RBPJ: variants seen among roughly 807,000 people sequenced by gnomAD.
RBPJ encodes the protein recombination signal binding protein for immunoglobulin kappa J region, also known as recombining binding protein suppressor of hairless.
A neutral mutation model predicts 67.8 loss-of-function variants in RBPJ; 9 were observed. The observed-to-expected ratio is 0.13, with a 90% CI of 0.08 to 0.23. The LOEUF (loss-of-function observed/expected upper bound fraction) is 0.23, where lower values mean the gene tolerates loss of function less well. RBPJ is among the 10% of genes least tolerant of loss of function. The pLI is 1.00. For missense variants in RBPJ, 305 were observed against 595.6 expected, an observed-to-expected ratio of 0.51 and a Z score of 5.08; for synonymous variants, 198 against 203.3, an observed-to-expected ratio of 0.97 and a Z score of 0.22.
At chr4:26,397,107 C>G (rs1171300756) in intron 2 of RBPJ, among the ~76,000 whole-genome samples, 1 of 152,166 alleles carries the variant, frequency 6.6e-6, no homozygotes, top group Non-Finnish European at 1.5e-5. Flanking sequence ...GAAGATTTTG[C>G]TTAAGGTTCT....
At chr4:26,278,262 T>C (rs1176606114) in intron 1 of RBPJ, among the ~76,000 whole-genome samples, 1 of 152,188 alleles carries the variant, frequency 6.6e-6, no homozygotes, top group Non-Finnish European at 1.5e-5. Context: ...CATGAAGATA[T>C]AAAGTGAACC....
chr4:26,425,071 A>G (rs1735498562), intron 7 of RBPJ: 2 of 344,404 alleles, frequency 5.8e-6, no homozygotes, highest in Non-Finnish European at 1.0e-5. Context: ...TCTTTTCTTT[A>G]CTAATGCGGA....
intron 1 of RBPJ, among the ~76,000 whole-genome samples, chr4:26,233,640 T>A (rs1357785538): frequency 1.3e-5 from 2 of 152,228 alleles, no homozygotes; most frequent in African/African-American, 4.8e-5. Context: ...CCTTTTCATT[T>A]TCAGTCTGTC....
chr4:26,393,869 T>C (rs1376553079), intron 2 of RBPJ, among the ~76,000 whole-genome samples: 1 of 152,204 alleles, frequency 6.6e-6, no homozygotes, highest in Non-Finnish European at 1.5e-5. Flanking sequence ...AACACTATTC[T>C]TACTCCCATT....
At chr4:26,138,680 C>T in the RBPJ span, among the ~76,000 whole-genome samples, 6 of 152,312 alleles carry the variant, frequency 3.9e-5, 1 homozygote, top group African/African-American at 1.4e-4. Context: ...GAGGCCGTCC[C>T]ATGTTAGTGA....
chr4:26,322,243 T>G (rs1302614779), intron 1 of RBPJ: 1 of 152,222 alleles, frequency 6.6e-6, no homozygotes. Context: ...TATGTGTTTT[T>G]CTGTTAGTGT....
intron 1 of RBPJ, among the ~76,000 whole-genome samples, chr4:26,279,785 CTTT>C (rs1026614295): frequency 1.5e-4 from 17 of 116,688 alleles, no homozygotes; most frequent in Non-Finnish European, 2.5e-4. Context: ...TTGAAATTGT[CTTT>C]TTTTTTTTTT....
At chr4:26,240,463 T>C (rs570457746) in intron 1 of RBPJ, among the ~76,000 whole-genome samples, 2 of 152,264 alleles carry the variant, frequency 1.3e-5, no homozygotes, top group African/African-American at 4.8e-5. Flanking sequence ...TCTGAACATA[T>C]AATTATTAAA....
intron 1 of RBPJ, among the ~76,000 whole-genome samples, chr4:26,246,704 T>C (rs1020559808): frequency 6.6e-6 from 1 of 152,190 alleles, no homozygotes; most frequent in Admixed American, 6.6e-5. Context: ...CTTAAAACTC[T>C]CTAAAAGCAG....
At chr4:26,165,826 A>ATTT (rs758421327) in intron 1 of RBPJ, among the ~76,000 whole-genome samples, 69 of 149,574 alleles carry the variant, frequency 4.6e-4, no homozygotes, top group Admixed American at 2.8e-3. Flanking sequence ...TTAACTCATC[A>ATTT]TTTAGCATTA....
chr4:26,317,470 T>G (rs907673287), upstream of RBPJ, among the ~76,000 whole-genome samples: 34 of 151,018 alleles, frequency 2.3e-4, 1 homozygote, highest in Admixed American at 1.7e-3. Flanking sequence ...TCAGGGGGGG[T>G]TTGGCAGTAG....
rs1053966651 is a variant in RBPJ at position 26,433,497 on chromosome 4, G to C, written c.*2490G>C. ...CTCAAAAATAATTTTTCAAGTTCAT[G>C]ACCTTATTAAAATGAACTTGTGTTT... On this transcript the variant is annotated 3_prime_UTR_variant, in exon 11 of 11. Coordinates refer to ENST00000355476, the MANE Select transcript of RBPJ (RefSeq NM_015874.6). The C allele has an allele frequency of 1.3e-5, 2 of 152,114 alleles. No homozygotes were observed. Among genetic ancestry groups the C allele is most frequent in the African/African-American group, 4.8e-5 (2 of 41,420 alleles). 9.4% of individuals were successfully genotyped at this position (152,114 alleles called of 1,614,324 possible).
intron 1 of RBPJ, among the ~76,000 whole-genome samples, chr4:26,297,783 T>C (rs2109296207): frequency 6.6e-6 from 1 of 152,138 alleles, no homozygotes; most frequent in East Asian, 1.9e-4. Flanking sequence ...CTCTGCCAGT[T>C]GTTTAATGAG....
At chr4:26,216,976 C>G (rs1230953963) in intron 1 of RBPJ, among the ~76,000 whole-genome samples, 1 of 152,056 alleles carries the variant, frequency 6.6e-6, no homozygotes, top group Admixed American at 6.6e-5. Flanking sequence ...AAAAAAATTA[C>G]ACATGTGCTT....
the RBPJ span, among the ~76,000 whole-genome samples, chr4:26,122,638 T>C: frequency 1.3e-5 from 2 of 152,186 alleles, no homozygotes; most frequent in Non-Finnish European, 2.9e-5. Context: ...GGAATAAAGT[T>C]GGAAAATATA....
intron 1 of RBPJ, among the ~76,000 whole-genome samples, chr4:26,218,128 C>A (rs1049571621): frequency 5.3e-5 from 8 of 152,102 alleles, no homozygotes; most frequent in African/African-American, 1.9e-4. Flanking sequence ...TTGAGCAAAC[C>A]CAGGGCCACA....
intron 1 of RBPJ, among the ~76,000 whole-genome samples, chr4:26,243,099 C>T (rs138687581): frequency 7.2e-5 from 11 of 151,954 alleles, no homozygotes; most frequent in East Asian, 1.9e-4. Context: ...TGGTGGCCGG[C>T]GCCTGTAATC....
intron 5 of RBPJ, among the ~76,000 whole-genome samples, chr4:26,421,050 A>G (rs890066158): frequency 6.6e-6 from 1 of 152,258 alleles, no homozygotes; most frequent in Admixed American, 6.5e-5. Context: ...AATGTCCTGC[A>G]GTGTCCAAGG....
At chr4:26,162,074 G>A (rs1716094528), upstream of RBPJ, among the ~76,000 whole-genome samples, 1 of 152,258 alleles carries the variant, frequency 6.6e-6, no homozygotes, top group Admixed American at 6.5e-5. Context: ...CAACAAGCAA[G>A]GAGGTGATGG....
Sources: gnomAD v4.1 joint callset for allele counts (sites outside exome capture counted in the v4.1 genomes callset) on GRCh38, gnomAD v4.1.1 for gene constraint, MANE v1.5 for transcripts, NCBI Gene and HGNC (gene_info 2026-07-23, HGNC 2026-07-21) for gene names.